CSMD1: variants seen among roughly 807,000 people sequenced by gnomAD.
CSMD1 encodes the protein CUB and sushi domain-containing protein 1.
In CSMD1, 213 loss-of-function variants were observed where a neutral mutation model predicts 417.5. That is an observed-to-expected ratio of 0.51 (90% CI 0.46 to 0.57). CSMD1 has a LOEUF of 0.57. Among genes scored for constraint, CSMD1 ranks in the 20% least tolerant of loss-of-function variants. The pLI, the probability that CSMD1 is intolerant of heterozygous loss-of-function variation, is 0.00. For synonymous variants in CSMD1, 2,862 were observed against 1,736.8 expected, an observed-to-expected ratio of 1.65 and a Z score of -16.11; for missense variants, 6,923 against 4,529.7, an observed-to-expected ratio of 1.53 and a Z score of -15.17.
intron 3 of CSMD1, among the ~76,000 whole-genome samples, chr8:4,206,839 G>T (rs1342154568): frequency 6.6e-6 from 1 of 152,022 alleles, no homozygotes; most frequent in South Asian, 2.1e-4. Flanking sequence ...TTATTTTGTG[G>T]GCTCCTAGAA....
At chr8:3,211,544 T>C (rs1797606976) in intron 30 of CSMD1, among the ~76,000 whole-genome samples, 1 of 152,222 alleles carries the variant, frequency 6.6e-6, no homozygotes, top group East Asian at 1.9e-4. Flanking sequence ...ACCAGTTACA[T>C]ACAGAATTAA....
intron 21 of CSMD1, among the ~76,000 whole-genome samples, chr8:3,349,510 A>G (rs531714646): frequency 2.0e-5 from 3 of 152,046 alleles, no homozygotes; most frequent in East Asian, 3.9e-4. Context: ...AAATAAAGAC[A>G]GAAAAGCAGG....
At position 3,353,697 on chromosome 8, in the gene CSMD1, G is replaced by A. The variant is rs529237577; in HGVS notation, c.3304+5455C>T. On this transcript the variant is annotated intron_variant, in intron 21 of 69. Coordinates refer to ENST00000635120, the MANE Select transcript of CSMD1 (RefSeq NM_033225.6). ...CATTCATTGAAAATCACCATTAGCAGAATTAAATGTTTCATTTTAAAAAAG... is the reference window on the plus strand; with the variant it reads ...CATTCATTGAAAATCACCATTAGCAAAATTAAATGTTTCATTTTAAAAAAG... Among the ~76,000 whole-genome samples the A allele has an allele frequency of 7.0e-4, 106 of 152,104 alleles. 1 individual carries two copies. Among genetic ancestry groups the A allele is most frequent in the Non-Finnish European group, 1.4e-3 (97 of 68,026 alleles).
At chr8:4,700,473 T>G (rs1218462351) in intron 1 of CSMD1, among the ~76,000 whole-genome samples, 2 of 152,146 alleles carry the variant, frequency 1.3e-5, no homozygotes, top group African/African-American at 2.4e-5. Flanking sequence ...ACCTGCATAT[T>G]CTTTAAATTT....
chr8:4,308,283 T>G (rs1798360560), intron 3 of CSMD1, among the ~76,000 whole-genome samples: 1 of 151,932 alleles, frequency 6.6e-6, no homozygotes, highest in Non-Finnish European at 1.5e-5. Flanking sequence ...GTATAGTTGA[T>G]GGTGTGTGTG....
At chr8:4,684,351 G>A (rs554099492) in intron 1 of CSMD1, among the ~76,000 whole-genome samples, 10 of 152,248 alleles carry the variant, frequency 6.6e-5, no homozygotes, top group Admixed American at 4.6e-4. Flanking sequence ...CTACCTTCTT[G>A]ATTCTCAAAA....
chr8:4,209,608 C>A (rs1358722980), intron 3 of CSMD1, among the ~76,000 whole-genome samples: 1 of 152,140 alleles, frequency 6.6e-6, no homozygotes, highest in Non-Finnish European at 1.5e-5. Context: ...CCCCGTGATG[C>A]AGGAAAGACA....
At chr8:4,534,997 G>A (rs961821678) in intron 2 of CSMD1, among the ~76,000 whole-genome samples, 7 of 152,108 alleles carry the variant, frequency 4.6e-5, no homozygotes, top group Admixed American at 2.0e-4. Context: ...TCCTGACCTC[G>A]TGATCTGCCT....
At chr8:3,068,904 C>T (rs576658186) in intron 49 of CSMD1, among the ~76,000 whole-genome samples, 38 of 152,196 alleles carry the variant, frequency 2.5e-4, no homozygotes, top group African/African-American at 8.7e-4. Flanking sequence ...TCTCCCCTGA[C>T]CCCTCCCAAT....
intron 1 of CSMD1, among the ~76,000 whole-genome samples, chr8:4,919,098 A>G (rs1009155028): frequency 5.3e-5 from 8 of 152,236 alleles, no homozygotes; most frequent in Non-Finnish European, 1.2e-4. Flanking sequence ...AATAATGATT[A>G]TGTAACATGT....
chr8:4,854,843 G>A (rs1172573412), intron 1 of CSMD1, among the ~76,000 whole-genome samples: 1 of 152,258 alleles, frequency 6.6e-6, no homozygotes, highest in East Asian at 1.9e-4. Flanking sequence ...GGGGAGGGGC[G>A]CCCGCCATTG....
chr8:3,298,707 G>A (rs1377452351), intron 25 of CSMD1, among the ~76,000 whole-genome samples: 1 of 152,224 alleles, frequency 6.6e-6, no homozygotes, highest in Non-Finnish European at 1.5e-5. Flanking sequence ...GCCCGCCTCA[G>A]CCTCCCAAAG....
At chr8:4,447,443 G>T (rs947020555) in intron 2 of CSMD1, among the ~76,000 whole-genome samples, 2 of 152,162 alleles carry the variant, frequency 1.3e-5, no homozygotes, top group African/African-American at 4.8e-5. Context: ...CCCAGAGGAA[G>T]GAGTAGAATT....
At chr8:4,069,187 C>T (rs1381079562) in intron 3 of CSMD1, among the ~76,000 whole-genome samples, 1 of 152,060 alleles carries the variant, frequency 6.6e-6, no homozygotes, top group Non-Finnish European at 1.5e-5. Context: ...GGCATAAAAC[C>T]ACATACTCTG....
chr8:4,240,883 T>G (rs894677636), intron 3 of CSMD1, among the ~76,000 whole-genome samples: 3 of 152,240 alleles, frequency 2.0e-5, no homozygotes, highest in Non-Finnish European at 4.4e-5. Context: ...ATGTATTCAT[T>G]CAGGCGCATG....
chr8:3,333,420 G>GA, intron 23 of CSMD1, among the ~76,000 whole-genome samples: 1 of 152,276 alleles, frequency 6.6e-6, no homozygotes, highest in East Asian at 1.9e-4. Context: ...TTAACTGTGG[G>GA]AAAAACAAAC....
At chr8:3,616,129 A>G (rs1002095288) in intron 8 of CSMD1, among the ~76,000 whole-genome samples, 10 of 152,176 alleles carry the variant, frequency 6.6e-5, no homozygotes, top group South Asian at 2.1e-4. Context: ...CATTAAAAGA[A>G]TTGGAATATG....
Position 3,256,162 on chromosome 8 carries a change from T to C in CSMD1, c.4154-25931A>G, listed in dbSNP as rs181454581. On this transcript the variant is annotated intron_variant, in intron 26 of 69. Coordinates refer to ENST00000635120, the MANE Select transcript of CSMD1 (RefSeq NM_033225.6). Reference sequence around the variant, plus strand: ...GGCCAACATGGTGAAACCTCCTCTGTACTAAAAATATAAAAATTAGCTGGG... The same window carrying C: ...GGCCAACATGGTGAAACCTCCTCTGCACTAAAAATATAAAAATTAGCTGGG... 6.2e-3 allele frequency among the ~76,000 whole-genome samples: 936 copies of C among 151,950 alleles called. 7 individuals carry two copies. The highest frequency in any genetic ancestry group is 0.021 in the African/African-American group (873 of 41,450).
intron 1 of CSMD1, among the ~76,000 whole-genome samples, chr8:4,703,743 C>T (rs1807734804): frequency 6.6e-6 from 1 of 152,078 alleles, no homozygotes; most frequent in African/African-American, 2.4e-5. Flanking sequence ...AGTGATTTTA[C>T]TAAAATCCAG....
Sources: allele counts gnomAD v4.1 joint callset (sites outside exome capture counted in the v4.1 genomes callset), GRCh38; gene constraint gnomAD v4.1.1; transcripts MANE v1.5; gene names NCBI Gene and HGNC (gene_info 2026-07-23, HGNC 2026-07-21).